The following COMMD1 variants were observed in gnomAD, a reference collection of about 807,000 sequenced individuals.
COMMD1 encodes COMM domain-containing protein 1.
A neutral mutation model predicts 17.2 loss-of-function variants in COMMD1; 10 were observed. The observed-to-expected ratio is 0.58, with a 90% CI of 0.36 to 0.99. COMMD1 has a LOEUF of 0.99. Ranked by LOEUF, COMMD1 falls within the 50% of genes least tolerant of loss-of-function variation. The pLI, the probability that COMMD1 is intolerant of heterozygous loss-of-function variation, is 0.01. For missense variants in COMMD1, 270 were observed against 231.8 expected (o/e 1.17, Z -1.07); for synonymous variants, 97 against 91.6 (o/e 1.06, Z -0.34).
Position 62,135,211 on chromosome 2 carries a change from C to T in COMMD1, c.463-620C>T, listed in dbSNP as rs1344230681. Reference sequence around the variant, plus strand: ...CTCAGGGTCCTCATTTTTAAAACAGCACTACTCAAGTTCTTACCTTAAAAA... The same window carrying T: ...CTCAGGGTCCTCATTTTTAAAACAGTACTACTCAAGTTCTTACCTTAAAAA... On this transcript the variant is annotated intron_variant, in intron 2 of 2. Transcript: ENST00000311832. Among the ~76,000 whole-genome samples, 5 of 152,128 alleles carry T rather than the reference C, an allele frequency of 3.3e-5. No individual in the cohort carries two copies. The East Asian group carries it at 5.8e-4, about 18-fold the overall frequency.
At chr2:62,004,139 A>C (rs2103813862) in intron 2 of COMMD1, among the ~76,000 whole-genome samples, 1 of 152,272 alleles carries the variant, frequency 6.6e-6, no homozygotes, top group South Asian at 2.1e-4. Flanking sequence ...GAAAAAAAGA[A>C]AAAGAAAAAG....
intron 1 of COMMD1, among the ~76,000 whole-genome samples, chr2:61,919,540 C>T (rs550369845): frequency 4.5e-4 from 66 of 145,884 alleles, no homozygotes; most frequent in South Asian, 8.6e-4. Flanking sequence ...CAGGCTTCAT[C>T]GCGTTTTTTT....
chr2:61,937,067 A>G (rs1406556761), intron 1 of COMMD1, among the ~76,000 whole-genome samples: 1 of 152,192 alleles, frequency 6.6e-6, no homozygotes. Flanking sequence ...TGAAAGATTT[A>G]TTGTTAAAGA....
At chr2:61,950,462 A>G (rs1044928456) in intron 1 of COMMD1, among the ~76,000 whole-genome samples, 10 of 152,240 alleles carry the variant, frequency 6.6e-5, no homozygotes, top group African/African-American at 2.2e-4. Flanking sequence ...AAAGGTTTAT[A>G]CAGTAGTTCC....
rs190538392 is a variant in COMMD1, at chr2:61,953,058, G to A, written c.180+47200G>A. On this transcript the variant is annotated intron_variant, in intron 1 of 2. Transcript: ENST00000311832. ...GGAGTCTTGTTGTGTTGCCTAGGCTGGAGTGCAGTGGCATGATCTCAGCTC... is the reference window on the plus strand; with the variant it reads ...GGAGTCTTGTTGTGTTGCCTAGGCTAGAGTGCAGTGGCATGATCTCAGCTC... Among the ~76,000 whole-genome samples, 147 of 152,308 alleles carry A rather than the reference G, an allele frequency of 9.7e-4. 1 individual carries two copies. Among genetic ancestry groups the A allele is most frequent in the Middle Eastern group, 3.4e-3 (1 of 294 alleles).
intron 2 of COMMD1, among the ~76,000 whole-genome samples, chr2:62,059,268 C>G (rs1670790935): frequency 6.6e-6 from 1 of 152,036 alleles, no homozygotes; most frequent in Non-Finnish European, 1.5e-5. Context: ...GATCCTCCCA[C>G]CTCAGCCTCC....
chr2:61,888,762 C>T (rs1329477618), exon 1 of COMMD1: 3 of 517,926 alleles, frequency 5.8e-6, no homozygotes, highest in African/African-American at 4.0e-5. Flanking sequence ...AGATTGTACG[C>T]CCGGGGCGCT....
upstream of COMMD1, among the ~76,000 whole-genome samples, chr2:61,905,391 G>A: frequency 6.6e-6 from 1 of 152,236 alleles, no homozygotes; most frequent in East Asian, 1.9e-4. Context: ...CCCATCTCCA[G>A]TAATCTCTGC....
At chr2:62,111,214 G>C (rs1319336947) in intron 2 of COMMD1, among the ~76,000 whole-genome samples, 1 of 152,130 alleles carries the variant, frequency 6.6e-6, no homozygotes, top group Non-Finnish European at 1.5e-5. Flanking sequence ...GCCTTGTAAA[G>C]GTGGAAAAAG....
intron 2 of COMMD1, among the ~76,000 whole-genome samples, chr2:62,002,947 C>G (rs1668994457): frequency 6.6e-6 from 1 of 151,220 alleles, no homozygotes; most frequent in African/African-American, 2.4e-5. Flanking sequence ...AAAGTCAGTT[C>G]TCTTGCTGGG....
intron 1 of COMMD1, among the ~76,000 whole-genome samples, chr2:62,000,165 C>G (rs1276265711): frequency 6.6e-6 from 1 of 152,048 alleles, no homozygotes; most frequent in Non-Finnish European, 1.5e-5. Flanking sequence ...CTCAAGCAAT[C>G]TGCCCACCTC....
chr2:62,031,155 A>G (rs961625471), intron 2 of COMMD1, among the ~76,000 whole-genome samples: 4 of 152,182 alleles, frequency 2.6e-5, no homozygotes, highest in Non-Finnish European at 4.4e-5. Flanking sequence ...TGTGTTGGCA[A>G]TTGACCTTAT....
intron 1 of COMMD1, among the ~76,000 whole-genome samples, chr2:61,908,271 G>A (rs1467147477): frequency 3.4e-5 from 5 of 147,296 alleles, no homozygotes; most frequent in African/African-American, 5.0e-5. Flanking sequence ...TCTGTTGCCA[G>A]ACTGGAGTGC....
intron 1 of COMMD1, among the ~76,000 whole-genome samples, chr2:61,895,215 C>A (rs1669527740): frequency 6.6e-6 from 1 of 152,294 alleles, no homozygotes; most frequent in South Asian, 2.1e-4. Context: ...CCAGGAGCTG[C>A]CTCACTTGTG....
At chr2:62,012,134 G>A (rs1197922512) in intron 2 of COMMD1, among the ~76,000 whole-genome samples, 3 of 151,820 alleles carry the variant, frequency 2.0e-5, no homozygotes, top group African/African-American at 7.3e-5. Flanking sequence ...GCATGCACCT[G>A]TAATCTCAGC....
chr2:62,098,005 A>T (rs1672059362), intron 2 of COMMD1, among the ~76,000 whole-genome samples: 1 of 151,692 alleles, frequency 6.6e-6, no homozygotes, highest in African/African-American at 2.4e-5. Context: ...TTCTTTTTTT[A>T]AAATATTCTT....
chr2:61,967,101 G>T (rs1671527207), intron 1 of COMMD1, among the ~76,000 whole-genome samples: 1 of 151,856 alleles, frequency 6.6e-6, no homozygotes, highest in South Asian at 2.1e-4. Flanking sequence ...GTGGAAATGG[G>T]GCCAGTTGAT....
chr2:61,952,397 C>T (rs1671081294), intron 1 of COMMD1, among the ~76,000 whole-genome samples: 1 of 152,068 alleles, frequency 6.6e-6, no homozygotes, highest in South Asian at 2.1e-4. Context: ...CCCAAGTGCT[C>T]CTGTAGATGA....
At chr2:61,977,955 C>T (rs1217714346) in intron 1 of COMMD1, among the ~76,000 whole-genome samples, 2 of 151,264 alleles carry the variant, frequency 1.3e-5, no homozygotes, top group East Asian at 3.9e-4. Context: ...TGCTGCTGCA[C>T]TCCAGTCTGG....
Sources: gnomAD v4.1 joint callset for allele counts (sites outside exome capture counted in the v4.1 genomes callset) on GRCh38, gnomAD v4.1.1 for gene constraint, MANE v1.5 for transcripts, NCBI Gene and HGNC (gene_info 2026-07-23, HGNC 2026-07-21) for gene names.